TTC7A: variants seen among roughly 807,000 people sequenced by gnomAD.
The protein encoded by TTC7A is tetratricopeptide repeat protein 7A.
Under a neutral mutation model 103.7 loss-of-function variants are expected in TTC7A, and 110 were observed. That is an observed-to-expected ratio of 1.06 (90% CI 0.91 to 1.24). The LOEUF is 1.24. TTC7A is among the 50% of genes most tolerant of loss of function. The pLI is 0.00. For missense variants in TTC7A, 1,340 were observed against 1,116.3 expected (o/e 1.20, Z -2.86); for synonymous variants, 521 against 467.9 (o/e 1.11, Z -1.47).
At chr2:47,016,862 G>T (rs147074098) in intron 11 of TTC7A, among the ~76,000 whole-genome samples, 1 of 152,234 alleles carries the variant, frequency 6.6e-6, no homozygotes, top group South Asian at 2.1e-4. Context: ...TTTCCAGATC[G>T]CAGGTGGGGC....
chr2:47,029,124 T>A, intron 14 of TTC7A, 100 bp from the exon 15 acceptor site: 1 of 1,426,878 alleles, frequency 7.0e-7, no homozygotes, highest in Non-Finnish European at 9.6e-7. Context: ...TGGGGCTCCC[T>A]TGAGTTGAGT....
At chr2:47,040,970 A>G (rs1681675703) in intron 15 of TTC7A, among the ~76,000 whole-genome samples, 1 of 152,184 alleles carries the variant, frequency 6.6e-6, no homozygotes, top group Non-Finnish European at 1.5e-5. Flanking sequence ...GTCGGAGGGC[A>G]TAAATGTTGA....
intron 19 of TTC7A, among the ~76,000 whole-genome samples, chr2:47,062,789 T>A (rs13392391): frequency 0.31 from 47,095 of 152,120 alleles, 12,683 homozygotes; most frequent in African/African-American, 0.7. Context: ...TTTCCATGGT[T>A]ACTGAATAGC....
chr2:46,960,310 G>A (rs898853286), intron 3 of TTC7A, among the ~76,000 whole-genome samples: 8 of 152,300 alleles, frequency 5.3e-5, no homozygotes, highest in Non-Finnish European at 1.2e-4. Flanking sequence ...CTATGGCCCT[G>A]GACAGAGCCT....
intron 19 of TTC7A, among the ~76,000 whole-genome samples, chr2:47,070,185 C>T (rs185588719): frequency 6.6e-6 from 1 of 152,250 alleles, no homozygotes; most frequent in African/African-American, 2.4e-5. Flanking sequence ...TCTGAAAAGG[C>T]AAGGCCCTTT....
rs1355936610 is a variant in TTC7A, at chr2:47,032,795, G to GA, written c.1802+3419dup. On this transcript the variant is annotated intron_variant, in intron 15 of 19. Coordinates refer to ENST00000319190, the MANE Select transcript of TTC7A (RefSeq NM_020458.4). The stretch of plus-strand genomic sequence containing the variant: ...CCTAAAAGGCTGCAAAACTAATTGG[G>GA]AAAAAAAATACAGGGACTTTTGGCC... 1.6e-4 allele frequency among the ~76,000 whole-genome samples: 18 copies of GA among 114,270 alleles called. No individual in the cohort carries two copies. In the East Asian group the frequency reaches 4.0e-3, roughly 25 times the overall value. The allele number at this position is 114,270 out of a possible 152,430, so 75.0% of individuals were successfully genotyped here.
intron 3 of TTC7A, among the ~76,000 whole-genome samples, chr2:46,958,703 G>T (rs750235831): frequency 1.3e-4 from 20 of 152,164 alleles, no homozygotes; most frequent in African/African-American, 4.8e-4. Flanking sequence ...CCTGCTGCCC[G>T]GCATGCTGAG....
intron 10 of TTC7A, among the ~76,000 whole-genome samples, chr2:47,009,603 G>A (rs114965551): frequency 2.8e-3 from 420 of 152,246 alleles, no homozygotes; most frequent in African/African-American, 9.7e-3. Flanking sequence ...TAGACCATTC[G>A]GATCATAGCT....
chr2:46,922,084 G>T (rs901184395), intron 2 of TTC7A, among the ~76,000 whole-genome samples: 2 of 152,186 alleles, frequency 1.3e-5, no homozygotes, highest in African/African-American at 4.8e-5. Context: ...TGATTAGCTG[G>T]CATCCAGCAA....
chr2:46,974,923 G>A (rs777524150), intron 3 of TTC7A, 50 bp from the exon 4 acceptor site: 1 of 1,598,740 alleles, frequency 6.3e-7, no homozygotes, highest in South Asian at 1.1e-5. Flanking sequence ...AGGGCCTGGA[G>A]TCAGGGGGCC....
intron 4 of TTC7A, among the ~76,000 whole-genome samples, chr2:46,976,568 C>T (rs1558529097): frequency 6.6e-6 from 1 of 152,190 alleles, no homozygotes; most frequent in Admixed American, 6.5e-5. Flanking sequence ...TGTGATGGGC[C>T]ATTTTGGAAG....
rs1670352801 is a variant in TTC7A, at chr2:46,941,380, T to G, written c.-162T>G. On this transcript the variant is annotated 5_prime_UTR_variant, in exon 1 of 20. Coordinates refer to ENST00000319190, the MANE Select transcript of TTC7A (RefSeq NM_020458.4). The surrounding 1 kb of genome is among the most constrained non-coding windows in gnomAD (Gnocchi z 4.2). ...GAGCTGCTGGTGCTGCTGCTGCTGCTGCTGCCCACCCTCCGCCGCCCGGGC... is the reference window on the plus strand; with the variant it reads ...GAGCTGCTGGTGCTGCTGCTGCTGCGGCTGCCCACCCTCCGCCGCCCGGGC... 4 of 486,206 alleles carry G rather than the reference T, an allele frequency of 8.2e-6. No individual in the cohort carries two copies. Among genetic ancestry groups the G allele is most frequent in the Non-Finnish European group, 1.2e-5 (4 of 340,398 alleles). 30.1% of individuals were successfully genotyped at this position (486,206 alleles called of 1,614,324 possible). A position where few individuals can be genotyped will look rare whatever the true frequency, so the allele number is the denominator to read the frequency against.
exon 2 of TTC7A, chr2:46,917,232 C>G: frequency 1.4e-6 from 1 of 696,534 alleles, no homozygotes; most frequent in Non-Finnish European, 2.6e-6. Flanking sequence ...TGGGTTCAAG[C>G]AATCCTCCCA....
intron 4 of TTC7A, 109 bp from the exon 5 acceptor site, chr2:46,978,683 G>A (rs1195851898): frequency 2.7e-6 from 2 of 737,082 alleles, no homozygotes; most frequent in African/African-American, 3.5e-5. Flanking sequence ...GCAACAATGT[G>A]CCCCTGAACA....
At chr2:47,063,607 A>G (rs549570368) in intron 19 of TTC7A, among the ~76,000 whole-genome samples, 3 of 152,380 alleles carry the variant, frequency 2.0e-5, no homozygotes, top group African/African-American at 7.2e-5. Context: ...ATAATTACCA[A>G]GAGAGGAATG....
upstream of TTC7A, chr2:46,915,947 C>T (rs1668757664): frequency 1.0e-6 from 1 of 985,416 alleles, no homozygotes; most frequent in Non-Finnish European, 1.2e-6. Flanking sequence ...TCGGCCCGGG[C>T]CCAGCACTGG....
Position 47,029,209 on chromosome 2 carries a change from G to T in TTC7A, c.1642-15G>T, listed in dbSNP as rs543444076. The T allele has an allele frequency of 6.2e-7, 1 of 1,612,948 alleles. No homozygotes were observed. Among genetic ancestry groups the T allele is most frequent in the Non-Finnish European group, 8.5e-7 (1 of 1,179,750 alleles). On this transcript the variant is annotated splice_polypyrimidine_tract_variant and intron_variant, in intron 14 of 19. Coordinates refer to ENST00000319190, the MANE Select transcript of TTC7A (RefSeq NM_020458.4). ...TGTGCCTGGGGAAGGCTAACCTGGC[G>T]GGTTCCTTCAACAGATCTCCAGTGC...
In TTC7A at chr2:46,990,722, A is replaced by G. The variant is rs147347270; in HGVS notation, c.765-2728A>G. On this transcript the variant is annotated intron_variant, in intron 5 of 19. Transcript: ENST00000319190. ...GGCTGCCTCACTTTCCCAAGATTAC[A>G]GACTTAGGGACTGGCTGCAAAGCTG... is the stretch of plus-strand genomic sequence containing the variant. Among the ~76,000 whole-genome samples, 619 of 152,302 alleles carry G rather than the reference A, an allele frequency of 4.1e-3. 11 individuals are homozygous for G. The highest frequency in any genetic ancestry group is 0.014 in the African/African-American group (596 of 41,564).
chr2:47,020,792 T>C (rs978459988), intron 11 of TTC7A, among the ~76,000 whole-genome samples: 2 of 152,224 alleles, frequency 1.3e-5, no homozygotes, highest in African/African-American at 4.8e-5. Context: ...CCACTGCCCC[T>C]CTTCCTGTGT....
Sources: gnomAD v4.1 joint callset for allele counts (sites outside exome capture counted in the v4.1 genomes callset) on GRCh38, gnomAD v4.1.1 for gene constraint, Gnocchi (gnomAD v3.1) non-coding constraint, MANE v1.5 for transcripts, NCBI Gene and HGNC (gene_info 2026-07-23, HGNC 2026-07-21) for gene names.